RPS6KA2: variants seen among roughly 807,000 people sequenced by gnomAD.
The protein encoded by RPS6KA2 is ribosomal protein S6 kinase alpha-2.
Under a neutral mutation model 91.8 loss-of-function variants are expected in RPS6KA2, and 42 were observed. The observed-to-expected ratio is 0.46, with a 90% confidence interval of 0.36 to 0.59. The LOEUF (loss-of-function observed/expected upper bound fraction) is 0.59. Ranked by LOEUF, RPS6KA2 falls within the 20% of genes least tolerant of loss-of-function variation. The pLI, the probability that RPS6KA2 is intolerant of heterozygous loss-of-function variation, is 0.00. For synonymous variants in RPS6KA2, 414 were observed against 393.6 expected (o/e 1.05, Z -0.61); for missense variants, 798 against 978.5 (o/e 0.82, Z 2.46).
At chr6:166,757,643 G>T in intron 2 of RPS6KA2, 1 of 456,016 alleles carries the variant, frequency 2.2e-6, no homozygotes, top group South Asian at 1.5e-5. Context: ...CAGGGCAGCC[G>T]CCACTCCTTT....
intron 2 of RPS6KA2, among the ~76,000 whole-genome samples, chr6:166,676,619 G>A (rs1788627896): frequency 6.6e-6 from 1 of 152,182 alleles, no homozygotes; most frequent in Non-Finnish European, 1.5e-5. Flanking sequence ...GTCCCCTCCT[G>A]GAGGTGTCCC....
chr6:166,856,723 T>C (rs1484183007), intron 2 of RPS6KA2, among the ~76,000 whole-genome samples: 2 of 152,238 alleles, frequency 1.3e-5, no homozygotes, highest in African/African-American at 4.8e-5. Context: ...CAGCCAGTCA[T>C]TTCTCTGAGA....
rs772497351 is a variant in RPS6KA2, at chr6:166,508,271, C to T, written c.391G>A (p.Glu131Lys). 6 of 1,612,152 alleles carry T rather than the reference C, an allele frequency of 3.7e-6. No homozygotes were observed. In the Admixed American group the frequency reaches 1.0e-4, roughly 27 times the overall value. The change falls in exon 5 of 21, where the codon GAA becomes AAA. Residue 131 changes from glutamate to lysine, a missense_variant. Coordinates refer to ENST00000265678, the MANE Select transcript of RPS6KA2 (RefSeq NM_021135.6). The surrounding 1 kb of genome is among the most constrained non-coding windows in gnomAD (Gnocchi z 4.3). ...IVKLHYAFQT[E>K]GKLYLILDFL... Reference sequence around the variant, plus strand: ...TCCAGGATCAGGTAGAGCTTTCCTTCCGTCTGAAAGGCTGTGGGGGACAGA... The same window carrying T: ...TCCAGGATCAGGTAGAGCTTTCCTTTCGTCTGAAAGGCTGTGGGGGACAGA...
intron 2 of RPS6KA2, among the ~76,000 whole-genome samples, chr6:166,823,075 C>A (rs184487933): frequency 2.0e-5 from 3 of 152,270 alleles, no homozygotes; most frequent in African/African-American, 7.2e-5. Flanking sequence ...GGCAGACGAC[C>A]CCACCTGAAT....
intron 14 of RPS6KA2, among the ~76,000 whole-genome samples, chr6:166,442,672 G>A (rs1779557882): frequency 2.6e-5 from 4 of 152,116 alleles, no homozygotes; most frequent in Non-Finnish European, 5.9e-5. Flanking sequence ...GTGTACTGAC[G>A]TTGGTGTTTT....
chr6:166,505,982 C>A lies in RPS6KA2; in HGVS notation c.460-1370G>T, dbSNP rs558037901. Among the ~76,000 whole-genome samples the A allele has an allele frequency of 1.3e-3, 193 of 152,302 alleles. 4 individuals carry two copies. Among genetic ancestry groups the A allele is most frequent in the African/African-American group, 2.2e-3 (90 of 41,560 alleles). ...TCCACTCCCCTAGCTCTTAGTGTAA[C>A]CCCCAAGGACAATAGCAGGAAGTTT... On this transcript the variant is annotated intron_variant, in intron 5 of 20. Transcript: ENST00000265678.
chr6:166,571,017 T>C (rs1784669225), intron 1 of RPS6KA2, among the ~76,000 whole-genome samples: 1 of 152,100 alleles, frequency 6.6e-6, no homozygotes, highest in Admixed American at 6.5e-5. Context: ...TCTGGGAAAA[T>C]AAAGGCGTGA....
At chr6:166,763,673 C>T (rs936663836) in intron 2 of RPS6KA2, among the ~76,000 whole-genome samples, 1 of 152,222 alleles carries the variant, frequency 6.6e-6, no homozygotes, top group Non-Finnish European at 1.5e-5. Context: ...AATTTCTTTA[C>T]CTCCTCCCTG....
chr6:166,771,082 G>T (rs770604957), intron 2 of RPS6KA2, among the ~76,000 whole-genome samples: 1 of 152,180 alleles, frequency 6.6e-6, no homozygotes, highest in Non-Finnish European at 1.5e-5. Flanking sequence ...TTTCTTTCGC[G>T]TTCAGGAAGC....
chr6:166,727,292 T>A (rs748376247), intron 2 of RPS6KA2, among the ~76,000 whole-genome samples: 1 of 151,428 alleles, frequency 6.6e-6, no homozygotes, highest in South Asian at 2.1e-4. Flanking sequence ...TCGCATCTTA[T>A]AATTATAGAT....
At chr6:166,835,418 C>A (rs560306750) in intron 2 of RPS6KA2, among the ~76,000 whole-genome samples, 1 of 152,314 alleles carries the variant, frequency 6.6e-6, no homozygotes, top group East Asian at 1.9e-4. Flanking sequence ...ATGACCTTAG[C>A]CTGCATTATT....
At chr6:166,834,190 C>T (rs969298255) in intron 2 of RPS6KA2, among the ~76,000 whole-genome samples, 4 of 152,226 alleles carry the variant, frequency 2.6e-5, no homozygotes, top group Admixed American at 1.3e-4. Context: ...ACACCTTTGT[C>T]AGCACTTGAT....
chr6:166,832,024 A>C (rs1219145774), intron 2 of RPS6KA2, among the ~76,000 whole-genome samples: 1 of 148,992 alleles, frequency 6.7e-6, no homozygotes, highest in Admixed American at 6.7e-5. Flanking sequence ...ACATACATGT[A>C]TAGATGATAC....
At chr6:166,455,029 C>T (rs1259705579) in intron 12 of RPS6KA2, among the ~76,000 whole-genome samples, 1 of 151,744 alleles carries the variant, frequency 6.6e-6, no homozygotes, top group African/African-American at 2.4e-5. Flanking sequence ...ATTTATATAT[C>T]TTTTAAGACT....
At chr6:166,774,029 A>G (rs1778548985) in intron 2 of RPS6KA2, among the ~76,000 whole-genome samples, 1 of 152,250 alleles carries the variant, frequency 6.6e-6, no homozygotes, top group Non-Finnish European at 1.5e-5. Context: ...TTGGAAAAAA[A>G]TATGGATTGA....
At position 166,756,498 on chromosome 6, in the gene RPS6KA2, CT is replaced by C. The variant is rs1190981266; in HGVS notation, c.123+101701del. 3.9e-5 allele frequency among the ~76,000 whole-genome samples: 6 copies of C among 152,354 alleles called. No individual in the cohort carries two copies. The East Asian group carries it at 1.2e-3, about 29-fold the overall frequency. The stretch of plus-strand genomic sequence containing the variant: ...AGCATGACCTGGTTTGGATCCTAAT[CT>C]GATGCACTCTGATTACATATGATTA... On this transcript the variant is annotated intron_variant, in intron 2 of 21. Transcript: ENST00000503859.
intron 2 of RPS6KA2, among the ~76,000 whole-genome samples, chr6:166,729,978 G>A (rs972477279): frequency 3.9e-5 from 6 of 152,058 alleles, no homozygotes; most frequent in African/African-American, 9.7e-5. Context: ...ACCTTTTTTC[G>A]TAACTGGTCT....
intron 2 of RPS6KA2, among the ~76,000 whole-genome samples, chr6:166,784,958 G>A (rs562715904): frequency 1.3e-5 from 2 of 152,352 alleles, no homozygotes; most frequent in Admixed American, 6.5e-5. Flanking sequence ...GGGGCTGGGA[G>A]GATGGTTCTG....
intron 2 of RPS6KA2, among the ~76,000 whole-genome samples, chr6:166,797,780 T>G (rs931180280): frequency 2.0e-5 from 3 of 152,050 alleles, no homozygotes; most frequent in Non-Finnish European, 4.4e-5. Flanking sequence ...GCAATTAGTT[T>G]TTATTAGAAA....
Sources: gnomAD v4.1 joint callset for allele counts (sites outside exome capture counted in the v4.1 genomes callset) on GRCh38, gnomAD v4.1.1 for gene constraint, Gnocchi (gnomAD v3.1) non-coding constraint, MANE v1.5 for transcripts, NCBI Gene and HGNC (gene_info 2026-07-23, HGNC 2026-07-21) for gene names.